OR2L3: variants seen among roughly 807,000 people sequenced by gnomAD.
The protein encoded by OR2L3 is olfactory receptor family 2 subfamily L member 3, also known as olfactory receptor 2L3.
For missense variants in OR2L3, 369 were observed against 376.6 expected (o/e 0.98, Z 0.17); for synonymous variants, 131 against 139.1 (o/e 0.94, Z 0.41).
At chr1:248,047,207 G>A (rs1029396864) in intron 1 of OR2L3, among the ~76,000 whole-genome samples, 14 of 152,078 alleles carry the variant, frequency 9.2e-5, no homozygotes, top group Non-Finnish European at 1.8e-4. Context: ...ATGATTGTAG[G>A]GGGCAGCATT....
At chr1:248,048,898 G>A (rs1303151310) in intron 1 of OR2L3, among the ~76,000 whole-genome samples, 2 of 148,874 alleles carry the variant, frequency 1.3e-5, no homozygotes, top group African/African-American at 5.0e-5. Flanking sequence ...TGCCTCCCCA[G>A]CTTTTTCTTT....
chr1:248,059,745 TC>T (rs1240277449), intron 1 of OR2L3, among the ~76,000 whole-genome samples: 2 of 152,248 alleles, frequency 1.3e-5, no homozygotes, highest in African/African-American at 4.8e-5. Context: ...TAGAAGTAAA[TC>T]TGGCAGAATA....
At position 248,061,867 on chromosome 1, in the gene OR2L3, A is replaced by C; in HGVS notation, c.*247A>C. Reference sequence around the variant, plus strand: ...ACCTACTTTTACTAATATGTTGTCAATGAGAATTTTTGTTTTTGGTCATGC... The same window carrying C: ...ACCTACTTTTACTAATATGTTGTCACTGAGAATTTTTGTTTTTGGTCATGC... On this transcript the variant is annotated 3_prime_UTR_variant, in exon 2 of 2. Coordinates refer to ENST00000359959, the MANE Select transcript of OR2L3 (RefSeq NM_001004687.2). The C allele has an allele frequency of 3.0e-6, 1 of 331,718 alleles. No homozygotes were observed. Among genetic ancestry groups the C allele is most frequent in the Non-Finnish European group, 5.4e-6 (1 of 183,980 alleles). The allele number at this position is 331,718 out of a possible 1,614,324, so 20.5% of individuals were successfully genotyped here.
At chr1:248,058,761 T>C (rs111476368) in intron 1 of OR2L3, among the ~76,000 whole-genome samples, 164 of 152,140 alleles carry the variant, frequency 1.1e-3, no homozygotes, top group African/African-American at 3.8e-3. Flanking sequence ...ATTAACTTCA[T>C]TATTATTTTG....
At position 248,061,410 on chromosome 1, in the gene OR2L3, C is replaced by A. The variant is rs141721902; in HGVS notation, c.729C>A (p.His243Gln). The change falls in exon 2 of 2, where the codon CAC (histidine) becomes CAA (glutamine). Residue 243 changes from histidine to glutamine, a missense_variant. Coordinates refer to ENST00000359959, the MANE Select transcript of OR2L3 (RefSeq NM_001004687.2). ...RKKAYLTCST[H>Q]LTVVTFYYAP... is the part of the protein sequence containing the mutation. Reference sequence around the variant, plus strand: ...AAGCCTACCTGACCTGCAGCACCCACCTCACTGTAGTAACTTTCTACTATG... The same window carrying A: ...AAGCCTACCTGACCTGCAGCACCCAACTCACTGTAGTAACTTTCTACTATG... 48 of 1,614,018 alleles carry A rather than the reference C, an allele frequency of 3.0e-5. No homozygotes were observed. Among genetic ancestry groups the A allele is most frequent in the African/African-American group, 8.0e-5 (6 of 74,900 alleles).
At chr1:248,057,652 G>A (rs12043704) in intron 1 of OR2L3, among the ~76,000 whole-genome samples, 9,162 of 152,034 alleles carry the variant, frequency 0.06, 634 homozygotes, top group East Asian at 0.35. Flanking sequence ...CCATTTATTC[G>A]TGTCTTCTTT....
At chr1:248,047,765 C>T (rs1048738235) in intron 1 of OR2L3, among the ~76,000 whole-genome samples, 10 of 152,202 alleles carry the variant, frequency 6.6e-5, no homozygotes, top group African/African-American at 1.2e-4. Context: ...ACAGTCATAG[C>T]GGATAAGAAG....
At chr1:248,057,031 A>G (rs927813875) in intron 1 of OR2L3, among the ~76,000 whole-genome samples, 5 of 151,982 alleles carry the variant, frequency 3.3e-5, no homozygotes, top group African/African-American at 1.2e-4. Flanking sequence ...GTTCTTTTGT[A>G]TTTGCTGAGG....
intron 1 of OR2L3, 149 bp from the exon 2 acceptor site, chr1:248,060,512 T>C (rs1351121449): frequency 5.0e-6 from 3 of 597,642 alleles, no homozygotes; most frequent in Non-Finnish European, 8.9e-6. Flanking sequence ...AATTAAACTT[T>C]ATCAGAAGTA....
chr1:248,054,106 C>T (rs1663357688), intron 1 of OR2L3, among the ~76,000 whole-genome samples: 1 of 152,148 alleles, frequency 6.6e-6, no homozygotes, highest in South Asian at 2.1e-4. Context: ...ACATTTCAGT[C>T]TTTAATCCAT....
intron 1 of OR2L3, among the ~76,000 whole-genome samples, chr1:248,056,801 C>T (rs574656156): frequency 2.7e-4 from 41 of 151,688 alleles, no homozygotes; most frequent in African/African-American, 5.8e-4. Context: ...GTACACGCCA[C>T]CATACTCGGC....
intron 1 of OR2L3, among the ~76,000 whole-genome samples, chr1:248,047,399 A>G (rs1199452382): frequency 6.6e-6 from 1 of 152,188 alleles, no homozygotes; most frequent in East Asian, 1.9e-4. Flanking sequence ...GTTTTTGCAT[A>G]AAAATGTTAA....
intron 1 of OR2L3, among the ~76,000 whole-genome samples, chr1:248,053,071 C>T (rs972657962): frequency 6.6e-6 from 1 of 152,054 alleles, no homozygotes; most frequent in Non-Finnish European, 1.5e-5. Context: ...TTAAGCCCAG[C>T]ATGCACTAGC....
At chr1:248,047,181 A>G (rs1394739209) in intron 1 of OR2L3, among the ~76,000 whole-genome samples, 1 of 152,108 alleles carries the variant, frequency 6.6e-6, no homozygotes, top group Non-Finnish European at 1.5e-5. Context: ...AAATTAAAGA[A>G]CCCACATTCA....
Position 248,061,302 on chromosome 1 carries a change from G to T in OR2L3, c.621G>T (p.Val207=). The T allele has an allele frequency of 6.2e-7, 1 of 1,612,830 alleles. No homozygotes were observed. Among genetic ancestry groups the T allele is most frequent in the East Asian group, 2.2e-5 (1 of 44,772 alleles). ...TVFLSTTIFL[V]FPFIAISCSY... ...TTTTGAGCACCACCATCTTTCTCGT[G>T]TTTCCCTTCATTGCTATTTCATGTT... The change falls in exon 2 of 2, where the codon GTG becomes GTT. Residue 207 remains valine, a synonymous_variant. Transcript: ENST00000359959.
intron 1 of OR2L3, among the ~76,000 whole-genome samples, chr1:248,055,474 G>A (rs1257108624): frequency 6.6e-6 from 1 of 152,086 alleles, no homozygotes; most frequent in Non-Finnish European, 1.5e-5. Flanking sequence ...AGTTAGTGTG[G>A]GCTGGGCATG....
chr1:248,058,577 C>A (rs1663518089), intron 1 of OR2L3, among the ~76,000 whole-genome samples: 2 of 151,764 alleles, frequency 1.3e-5, no homozygotes, highest in Admixed American at 6.6e-5. Flanking sequence ...ATTTCAAAAG[C>A]TTTAGAATTT....
chr1:248,053,838 T>C (rs1399038413), intron 1 of OR2L3, among the ~76,000 whole-genome samples: 3 of 152,194 alleles, frequency 2.0e-5, no homozygotes, highest in Non-Finnish European at 1.5e-5. Flanking sequence ...GCTTAAGTTC[T>C]TTGTAGATTC....
intron 1 of OR2L3, among the ~76,000 whole-genome samples, chr1:248,051,603 G>C (rs970205787): frequency 6.6e-6 from 1 of 152,016 alleles, no homozygotes; most frequent in South Asian, 2.1e-4. Context: ...TGAGGGAGGA[G>C]GCAAGGGTTG....
Sources: allele counts gnomAD v4.1 joint callset (sites outside exome capture counted in the v4.1 genomes callset), GRCh38; gene constraint gnomAD v4.1.1; transcripts MANE v1.5; gene names NCBI Gene and HGNC (gene_info 2026-07-23, HGNC 2026-07-21).